Variants in PPARA observed in about 807,000 individuals in gnomAD.
The protein encoded by PPARA is peroxisome proliferator activated receptor alpha.
In PPARA, 22 loss-of-function variants were observed where a neutral mutation model predicts 42.2. The observed-to-expected ratio is 0.52, with a 90% CI of 0.37 to 0.74. The LOEUF (loss-of-function observed/expected upper bound fraction) is 0.74, where lower values mean the gene tolerates loss of function less well. Among genes scored for constraint, PPARA ranks in the 30% least tolerant of loss-of-function variants. The pLI is 0.00. For synonymous variants in PPARA, 242 were observed against 239.3 expected, an observed-to-expected ratio of 1.01 and a Z score of -0.10; for missense variants, 465 against 608.2, an observed-to-expected ratio of 0.76 and a Z score of 2.48.
rs933606537 is a variant in PPARA at position 46,156,426 on chromosome 22, C to G, written c.-127+4456C>G. 6.6e-6 allele frequency: 1 copy of G among 152,230 alleles called. No individual in the cohort carries two copies. Among genetic ancestry groups the G allele is most frequent in the Non-Finnish European group, 1.5e-5 (1 of 68,036 alleles). 9.4% of individuals were successfully genotyped at this position (152,230 alleles called of 1,614,324 possible). ...ATACCGCTGGCTCCTGCCTTTCTCACTTAGCCAGGTCTGATACCTGTGTTG... is the reference window on the plus strand; with the variant it reads ...ATACCGCTGGCTCCTGCCTTTCTCAGTTAGCCAGGTCTGATACCTGTGTTG... On this transcript the variant is annotated intron_variant, in intron 2 of 8. Transcript: ENST00000407236. This position sits in a 1 kb window ranked among gnomAD's most constrained non-coding sequence, Gnocchi z 5.2.
At position 46,204,601 on chromosome 22, in the gene PPARA, T is replaced by C. The variant is rs890601430; in HGVS notation, c.208+6010T>C. 1.3e-5 allele frequency among the ~76,000 whole-genome samples: 2 copies of C among 152,218 alleles called. No homozygotes were observed. Among genetic ancestry groups the C allele is most frequent in the African/African-American group, 4.8e-5 (2 of 41,464 alleles). On this transcript the variant is annotated intron_variant, in intron 4 of 8. Transcript: ENST00000407236. The surrounding 1 kb of genome is among the most constrained non-coding windows in gnomAD (Gnocchi z 5.2). ...TGGTCTCTCACTGTGGTGATTTTTA[T>C]TTGCACTTCCCTGGTGATTTTGAGC...
At position 46,221,585 on chromosome 22, in the gene PPARA, G is replaced by A. The variant is rs1935006189; in HGVS notation, c.711+1571G>A. On this transcript the variant is annotated intron_variant, in intron 7 of 8. Transcript: ENST00000407236. This position sits in a 1 kb window ranked among gnomAD's most constrained non-coding sequence, Gnocchi z 5.9. ...GAGGCCAAGACAGGCGGATCACGAG[G>A]TCAGGAGATCAAGACCATCCTGGCT... is the stretch of plus-strand genomic sequence containing the variant. 6.6e-6 allele frequency among the ~76,000 whole-genome samples: 1 copy of A among 151,918 alleles called. No individual in the cohort carries two copies. The highest frequency in any genetic ancestry group is 1.5e-5 in the Non-Finnish European group (1 of 67,972).
rs1323492375 is a variant in PPARA, at chr22:46,191,639, G to T, written c.-42-6703G>T. Among the ~76,000 whole-genome samples, 1 of 152,202 alleles carries T rather than the reference G, an allele frequency of 6.6e-6. No individual in the cohort carries two copies. The highest frequency in any genetic ancestry group is 1.5e-5 in the Non-Finnish European group (1 of 68,028). ...TTTTTGTAGTCTTCGGACACACTGT[G>T]TGTGCCGCTTTGCCCTCTGGGTGAC... On this transcript the variant is annotated intron_variant, in intron 3 of 8. Coordinates refer to ENST00000407236, the MANE Select transcript of PPARA (RefSeq NM_005036.6). The surrounding 1 kb of genome is among the most constrained non-coding windows in gnomAD (Gnocchi z 4.6).
At chr22:46,181,363 G>A (rs570414794) in intron 3 of PPARA, among the ~76,000 whole-genome samples, 2 of 152,228 alleles carry the variant, frequency 1.3e-5, no homozygotes, top group East Asian at 3.9e-4. Flanking sequence ...GACAGGAGCT[G>A]CCCCACAGCT....
chr22:46,167,934 C>G lies in PPARA; in HGVS notation c.-126-8819C>G, dbSNP rs530454787. 2.9e-4 allele frequency among the ~76,000 whole-genome samples: 44 copies of G among 152,036 alleles called. 1 individual carries two copies. In the Middle Eastern group the frequency reaches 0.014, roughly 47 times the overall value. ...GGCACAGTGGCACATGTCTGTAGTC[C>G]TAGCTACTCACGAAGCTGAGGCAGG... On this transcript the variant is annotated intron_variant, in intron 2 of 8. Coordinates refer to ENST00000407236, the MANE Select transcript of PPARA (RefSeq NM_005036.6). The surrounding 1 kb of genome is among the most constrained non-coding windows in gnomAD (Gnocchi z 4.1).
rs768410623 is a variant in PPARA at position 46,224,505 on chromosome 22, C to G, written c.711+4491C>G. Reference sequence around the variant, plus strand: ...GGCCTGGAAACACCTTGATCTCTGCCCAGTGGCCCACATGCGGTCGCCGTT... The same window carrying G: ...GGCCTGGAAACACCTTGATCTCTGCGCAGTGGCCCACATGCGGTCGCCGTT... On this transcript the variant is annotated intron_variant, in intron 7 of 8. Transcript: ENST00000407236. The surrounding 1 kb of genome is among the most constrained non-coding windows in gnomAD (Gnocchi z 5.7). 3.6e-4 allele frequency among the ~76,000 whole-genome samples: 55 copies of G among 152,168 alleles called. No homozygotes were observed. Among genetic ancestry groups the G allele is most frequent in the Admixed American group, 5.9e-4 (9 of 15,280 alleles).
In PPARA at chr22:46,222,954, G is replaced by A. The variant is rs879842943; in HGVS notation, c.711+2940G>A. Among the ~76,000 whole-genome samples, 6 of 152,150 alleles carry A rather than the reference G, an allele frequency of 3.9e-5. No homozygotes were observed. The highest frequency in any genetic ancestry group is 5.9e-5 in the Non-Finnish European group (4 of 68,030). On this transcript the variant is annotated intron_variant, in intron 7 of 8. Transcript: ENST00000407236. This position sits in a 1 kb window ranked among gnomAD's most constrained non-coding sequence, Gnocchi z 5.9. ...ATGGGAGGATGGCTTGAGCCCAGGA[G>A]TTCAAAACCAACCTGGGCAACATGG...
intron 2 of PPARA, among the ~76,000 whole-genome samples, chr22:46,157,608 A>G (rs135548): frequency 0.23 from 34,869 of 152,164 alleles, 4,313 homozygotes; most frequent in Non-Finnish European, 0.28. Flanking sequence ...AGATGACCTG[A>G]GGATCTATTT....
chr22:46,185,914 AAAATATATATATATATATATATAT>A (rs1930656566), intron 3 of PPARA, among the ~76,000 whole-genome samples: 4 of 49,576 alleles, frequency 8.1e-5, no homozygotes, highest in African/African-American at 1.0e-4. Flanking sequence ...AAAAAAAAAA[AAAATATATATATATATATATATAT>A]ATATATATAT....
intron 2 of PPARA, among the ~76,000 whole-genome samples, chr22:46,158,858 A>G (rs940347440): frequency 6.6e-6 from 1 of 152,126 alleles, no homozygotes; most frequent in African/African-American, 2.4e-5. Context: ...TCATTTTATG[A>G]GGCAGCTTGA....
chr22:46,179,269 A>G (rs1794464404), intron 3 of PPARA, among the ~76,000 whole-genome samples: 3 of 152,254 alleles, frequency 2.0e-5, no homozygotes, highest in African/African-American at 7.2e-5. Context: ...CATAACCAGT[A>G]GGATTCATCC....
At chr22:46,206,342 C>T (rs562040768) in intron 4 of PPARA, among the ~76,000 whole-genome samples, 24 of 152,234 alleles carry the variant, frequency 1.6e-4, no homozygotes, top group African/African-American at 5.5e-4. Context: ...GTCTCAAACT[C>T]GTGACCTTGT....
intron 2 of PPARA, among the ~76,000 whole-genome samples, chr22:46,158,981 C>T (rs905603271): frequency 9.9e-5 from 15 of 152,110 alleles, no homozygotes; most frequent in African/African-American, 3.4e-4. Context: ...CCTCTGCCTC[C>T]GGGGTTCCAG....
chr22:46,221,515 G>A lies in PPARA; in HGVS notation c.711+1501G>A, dbSNP rs1286336485. Among the ~76,000 whole-genome samples the A allele has an allele frequency of 1.3e-5, 2 of 152,188 alleles. No individual in the cohort carries two copies. Among genetic ancestry groups the A allele is most frequent in the African/African-American group, 2.4e-5 (1 of 41,454 alleles). ...TCTTGGGGCTTAGAAAGGGCCACTTGTAAGCCAGGCGTGGTGGCTCACGCC... is the reference window on the plus strand; with the variant it reads ...TCTTGGGGCTTAGAAAGGGCCACTTATAAGCCAGGCGTGGTGGCTCACGCC... On this transcript the variant is annotated intron_variant, in intron 7 of 8. Coordinates refer to ENST00000407236, the MANE Select transcript of PPARA (RefSeq NM_005036.6). The surrounding 1 kb of genome is among the most constrained non-coding windows in gnomAD (Gnocchi z 5.9).
intron 3 of PPARA, among the ~76,000 whole-genome samples, chr22:46,178,877 C>T (rs1030705945): frequency 2.6e-5 from 4 of 152,110 alleles, no homozygotes; most frequent in Admixed American, 1.3e-4. Flanking sequence ...ATCAGAATCT[C>T]GGGTGTATAC....
Position 46,224,651 on chromosome 22 carries a change from A to C in PPARA, c.711+4637A>C, listed in dbSNP as rs1479442409. 6.6e-6 allele frequency among the ~76,000 whole-genome samples: 1 copy of C among 152,106 alleles called. No homozygotes were observed. Among genetic ancestry groups the C allele is most frequent in the Non-Finnish European group, 1.5e-5 (1 of 68,040 alleles). ...TTTCTGTTTGGGGATGAGAGGCGGC[A>C]CAGTAAACTGTCCAGGCCAGTAAAC... On this transcript the variant is annotated intron_variant, in intron 7 of 8. Transcript: ENST00000407236. This position sits in a 1 kb window ranked among gnomAD's most constrained non-coding sequence, Gnocchi z 5.7.
At chr22:46,168,560 A>T (rs986032601) in intron 2 of PPARA, among the ~76,000 whole-genome samples, 28 of 151,836 alleles carry the variant, frequency 1.8e-4, no homozygotes, top group African/African-American at 6.8e-4. Context: ...AACTATTGTA[A>T]TTCAATAAGA....
chr22:46,234,925 A>G lies in PPARA; in HGVS notation c.1160-208A>G, dbSNP rs938651114. Among the ~76,000 whole-genome samples the G allele has an allele frequency of 1.3e-5, 2 of 152,190 alleles. No homozygotes were observed. The highest frequency in any genetic ancestry group is 2.9e-5 in the Non-Finnish European group (2 of 68,038). Reference sequence around the variant, plus strand: ...CGCCTAGTAGTATGAATATTTAGGAAAGAGTACTGGTCCTGTCTGTCCCTA... The same window carrying G: ...CGCCTAGTAGTATGAATATTTAGGAGAGAGTACTGGTCCTGTCTGTCCCTA... On this transcript the variant is annotated intron_variant, in intron 8 of 8. Transcript: ENST00000407236. This position sits in a 1 kb window ranked among gnomAD's most constrained non-coding sequence, Gnocchi z 5.8.
intron 2 of PPARA, among the ~76,000 whole-genome samples, chr22:46,157,954 G>A (rs1379437460): frequency 2.0e-5 from 3 of 152,108 alleles, no homozygotes; most frequent in Admixed American, 6.6e-5. Flanking sequence ...GCCAACTTTC[G>A]AAAGAGCATC....
Sources: gnomAD v4.1 joint callset for allele counts (sites outside exome capture counted in the v4.1 genomes callset) on GRCh38, gnomAD v4.1.1 for gene constraint, Gnocchi (gnomAD v3.1) non-coding constraint, MANE v1.5 for transcripts, NCBI Gene and HGNC (gene_info 2026-07-23, HGNC 2026-07-21) for gene names.